The following CDH4 variants were observed in gnomAD, a reference collection of about 807,000 sequenced individuals.
CDH4 encodes the protein cadherin 4.
A neutral mutation model predicts 86.0 loss-of-function variants in CDH4; 33 were observed. That is an observed-to-expected ratio of 0.38 (90% CI 0.29 to 0.51). The LOEUF is 0.51. Among genes scored for constraint, CDH4 ranks in the 20% least tolerant of loss-of-function variants. CDH4 has a pLI of 0.86. For synonymous variants in CDH4, 555 were observed against 549.4 expected (o/e 1.01, Z -0.14); for missense variants, 1,114 against 1,307.4 (o/e 0.85, Z 2.28).
At chr20:61,495,027 C>T (rs1454452145) in intron 2 of CDH4, among the ~76,000 whole-genome samples, 1 of 152,242 alleles carries the variant, frequency 6.6e-6, no homozygotes, top group Non-Finnish European at 1.5e-5. Context: ...GTGGGAGTAA[C>T]AGGGGCTGAG....
At chr20:61,411,549 G>T (rs1012727583) in intron 2 of CDH4, among the ~76,000 whole-genome samples, 1 of 151,944 alleles carries the variant, frequency 6.6e-6, no homozygotes, top group Non-Finnish European at 1.5e-5. Flanking sequence ...TGCTGGCTGG[G>T]CTGGGCACGT....
chr20:61,339,218 A>G (rs1284099395), intron 2 of CDH4, among the ~76,000 whole-genome samples: 1 of 152,230 alleles, frequency 6.6e-6, no homozygotes, highest in Non-Finnish European at 1.5e-5. Context: ...GAAAGCATGA[A>G]CATGAACAGA....
At chr20:61,527,279 C>A (rs2085918048) in intron 2 of CDH4, among the ~76,000 whole-genome samples, 1 of 151,524 alleles carries the variant, frequency 6.6e-6, no homozygotes, top group Non-Finnish European at 1.5e-5. Context: ...GAGGCAGAGT[C>A]TCACTCTGTT....
At chr20:61,508,395 C>G (rs1469824162) in intron 2 of CDH4, among the ~76,000 whole-genome samples, 1 of 152,208 alleles carries the variant, frequency 6.6e-6, no homozygotes, top group Non-Finnish European at 1.5e-5. Flanking sequence ...ACACGGGTGC[C>G]CCCAGCCCCA....
chr20:61,467,616 C>A lies in CDH4; in HGVS notation c.169+212679C>A, dbSNP rs2085480028. On this transcript the variant is annotated intron_variant, in intron 2 of 15. Coordinates refer to ENST00000614565, the MANE Select transcript of CDH4 (RefSeq NM_001794.5). ...CTATTTATGCTACCATTAACAAATT[C>A]TACATAACATAATTACACATGCTGC... Among the ~76,000 whole-genome samples, 5 of 152,330 alleles carry A rather than the reference C, an allele frequency of 3.3e-5. No individual in the cohort carries two copies. The Middle Eastern group carries it at 0.014, about 415-fold the overall frequency.
intron 2 of CDH4, among the ~76,000 whole-genome samples, chr20:61,329,117 T>G (rs758174133): frequency 2.0e-4 from 31 of 152,232 alleles, no homozygotes; most frequent in Non-Finnish European, 4.1e-4. Context: ...AACAGACGGC[T>G]GTGTGGGTGC....
At chr20:61,469,852 C>T (rs527375729) in intron 2 of CDH4, among the ~76,000 whole-genome samples, 3 of 152,118 alleles carry the variant, frequency 2.0e-5, no homozygotes, top group Middle Eastern at 3.4e-3. Context: ...GTGCCTTTGT[C>T]GAAAATGTGT....
At chr20:61,556,839 G>A (rs549586226) in intron 2 of CDH4, among the ~76,000 whole-genome samples, 6 of 151,978 alleles carry the variant, frequency 3.9e-5, no homozygotes, top group Non-Finnish European at 8.8e-5. Flanking sequence ...AGCTGTGGTC[G>A]GCCCGTCCTC....
chr20:61,720,804 G>A (rs776034606), intron 2 of CDH4, among the ~76,000 whole-genome samples: 5 of 152,086 alleles, frequency 3.3e-5, no homozygotes, highest in South Asian at 4.2e-4. Flanking sequence ...TTCTCTCATT[G>A]TACCATCACA....
chr20:61,713,802 C>T (rs1299967674), intron 2 of CDH4, among the ~76,000 whole-genome samples: 1 of 152,140 alleles, frequency 6.6e-6, no homozygotes, highest in African/African-American at 2.4e-5. Context: ...AGAAAGCAGC[C>T]CCTACGTGGT....
At chr20:61,903,966 G>A (rs181358553) in intron 8 of CDH4, among the ~76,000 whole-genome samples, 39 of 152,320 alleles carry the variant, frequency 2.6e-4, no homozygotes, top group Non-Finnish European at 1.6e-4. Context: ...CTCTGCTGCT[G>A]CCCGCTGCCA....
At chr20:61,624,500 C>G (rs1034862397) in intron 2 of CDH4, among the ~76,000 whole-genome samples, 2 of 152,192 alleles carry the variant, frequency 1.3e-5, no homozygotes, top group African/African-American at 4.8e-5. Flanking sequence ...TCCCCCTGAT[C>G]CAGACAGGAG....
At chr20:61,546,145 T>C (rs903931524) in intron 2 of CDH4, among the ~76,000 whole-genome samples, 3 of 128,390 alleles carry the variant, frequency 2.3e-5, no homozygotes, top group Non-Finnish European at 5.0e-5. Flanking sequence ...ACGGTATTTG[T>C]TCACATTCGT....
Position 61,516,105 on chromosome 20 carries a change from G to A in CDH4, c.170-227458G>A, listed in dbSNP as rs1195003361. Among the ~76,000 whole-genome samples, 2 of 152,192 alleles carry A rather than the reference G, an allele frequency of 1.3e-5. No homozygotes were observed. Among genetic ancestry groups the A allele is most frequent in the Admixed American group, 6.5e-5 (1 of 15,282 alleles). On this transcript the variant is annotated intron_variant, in intron 2 of 15. Transcript: ENST00000614565. The surrounding 1 kb of genome is among the most constrained non-coding windows in gnomAD (Gnocchi z 4.0). ...CACAGGGGCTCGCCTCGTGCTCTGCGTTGCACTGGCAGAGGGGCAGCACAG... is the reference window on the plus strand; with the variant it reads ...CACAGGGGCTCGCCTCGTGCTCTGCATTGCACTGGCAGAGGGGCAGCACAG...
chr20:61,603,892 G>T (rs1035650486), intron 2 of CDH4, among the ~76,000 whole-genome samples: 1 of 152,290 alleles, frequency 6.6e-6, no homozygotes, highest in Non-Finnish European at 1.5e-5. Flanking sequence ...AGTAAGCCCT[G>T]GGAGTGTTCA....
chr20:61,654,498 T>G (rs1311502232), intron 2 of CDH4, among the ~76,000 whole-genome samples: 3 of 152,252 alleles, frequency 2.0e-5, no homozygotes, highest in African/African-American at 4.8e-5. Context: ...TGATTAGTTG[T>G]GTATTTACAT....
chr20:61,884,592 T>C (rs1382466304), intron 7 of CDH4, among the ~76,000 whole-genome samples: 1 of 152,080 alleles, frequency 6.6e-6, no homozygotes, highest in African/African-American at 2.4e-5. Context: ...AGGGGCTCCA[T>C]GCTCAGCCCC....
intron 6 of CDH4, among the ~76,000 whole-genome samples, chr20:61,854,543 T>C (rs57254210): frequency 0.21 from 23,166 of 112,170 alleles, 3,725 homozygotes; most frequent in African/African-American, 0.44. Context: ...GGGTGAATTG[T>C]GCCTTTGGCC....
chr20:61,729,652 G>A (rs753995530), intron 2 of CDH4, among the ~76,000 whole-genome samples: 13 of 152,224 alleles, frequency 8.5e-5, no homozygotes, highest in South Asian at 4.2e-4. Context: ...ACGTGGAGAC[G>A]ATGAGTGCAA....
Sources: gnomAD v4.1 joint callset for allele counts (sites outside exome capture counted in the v4.1 genomes callset) on GRCh38, gnomAD v4.1.1 for gene constraint, Gnocchi (gnomAD v3.1) non-coding constraint, MANE v1.5 for transcripts, NCBI Gene and HGNC (gene_info 2026-07-23, HGNC 2026-07-21) for gene names.